VKORC1L1: variants seen among roughly 807,000 people sequenced by gnomAD.
VKORC1L1 encodes the protein vitamin K epoxide reductase complex subunit 1-like protein 1.
A neutral mutation model predicts 18.9 loss-of-function variants in VKORC1L1; 2 were observed. That is an observed-to-expected ratio of 0.11 (90% CI 0.04 to 0.33). The LOEUF is 0.33. Among genes scored for constraint, VKORC1L1 ranks in the 10% least tolerant of loss-of-function variants. VKORC1L1 has a pLI of 1.00. For missense variants in VKORC1L1, 123 were observed against 224.1 expected (o/e 0.55, Z 2.88); for synonymous variants, 96 against 100.0 (o/e 0.96, Z 0.24).
intron 1 of VKORC1L1, among the ~76,000 whole-genome samples, chr7:65,892,558 T>A (rs1345801577): frequency 6.6e-6 from 1 of 152,176 alleles, no homozygotes; most frequent in African/African-American, 2.4e-5. Context: ...CCTTTGTAAT[T>A]GGGGGTTTTT....
rs1790165281 is a variant in VKORC1L1, at chr7:65,948,909, G to A, written c.304+129G>A. The A allele has an allele frequency of 7.6e-5, 92 of 1,213,682 alleles. 2 individuals are homozygous for A. The South Asian group carries it at 1.4e-3, about 18-fold the overall frequency. The allele number at this position is 1,213,682 out of a possible 1,614,324, so 75.2% of individuals were successfully genotyped here. A position where few individuals can be genotyped will look rare whatever the true frequency, so the allele number is the denominator to read the frequency against. On this transcript the variant is annotated intron_variant, in intron 2 of 2. Coordinates refer to ENST00000360768, the MANE Select transcript of VKORC1L1 (RefSeq NM_173517.6). ...CCACTAGCGTGTACAACATTTTTGT[G>A]TTATGAAAACTTGATTCACTGAGAT... is the stretch of plus-strand genomic sequence containing the variant.
At chr7:65,896,572 T>TTCCC (rs71051317) in intron 1 of VKORC1L1, among the ~76,000 whole-genome samples, 14,470 of 140,524 alleles carry the variant, frequency 0.1, 856 homozygotes, top group Middle Eastern at 0.18. Context: ...CCTTCCTTCT[T>TTCCC]TCCCTCCCTC....
At chr7:65,926,556 A>G (rs933520142) in intron 1 of VKORC1L1, among the ~76,000 whole-genome samples, 3 of 152,228 alleles carry the variant, frequency 2.0e-5, no homozygotes, top group South Asian at 2.1e-4. Context: ...TTAAAGAACT[A>G]AAAGTAGAAC....
At chr7:65,866,113 CA>C in the VKORC1L1 span, among the ~76,000 whole-genome samples, 3 of 149,642 alleles carry the variant, frequency 2.0e-5, no homozygotes, top group East Asian at 2.0e-4. Flanking sequence ...GACTCCGTCT[CA>C]AAAAAAAAAT....
intron 1 of VKORC1L1, among the ~76,000 whole-genome samples, chr7:65,940,776 GAA>G (rs1338412538): frequency 6.6e-6 from 1 of 152,192 alleles, no homozygotes; most frequent in Non-Finnish European, 1.5e-5. Context: ...ATAACTCCAT[GAA>G]AAGCAATTTG....
At chr7:65,935,479 T>G (rs1031944267) in intron 1 of VKORC1L1, among the ~76,000 whole-genome samples, 1 of 152,148 alleles carries the variant, frequency 6.6e-6, no homozygotes, top group South Asian at 2.1e-4. Flanking sequence ...TCATCTAATT[T>G]TTGTATTTTT....
intron 2 of VKORC1L1, among the ~76,000 whole-genome samples, chr7:65,951,603 T>C (rs768375759): frequency 2.0e-5 from 3 of 151,672 alleles, no homozygotes; most frequent in South Asian, 2.1e-4. Context: ...TATATACATA[T>C]ATAAAATGTT....
chr7:65,908,184 G>A (rs539980417), intron 1 of VKORC1L1, among the ~76,000 whole-genome samples: 2 of 151,818 alleles, frequency 1.3e-5, no homozygotes, highest in East Asian at 2.0e-4. Flanking sequence ...AGGCCGAGGC[G>A]GGCAGATCAC....
chr7:65,941,031 G>A (rs1330175260), intron 1 of VKORC1L1, among the ~76,000 whole-genome samples: 2 of 152,164 alleles, frequency 1.3e-5, no homozygotes, highest in Non-Finnish European at 2.9e-5. Flanking sequence ...GATAAAAGTT[G>A]GGATAGTTAG....
At chr7:65,915,810 A>G (rs185975318) in intron 1 of VKORC1L1, among the ~76,000 whole-genome samples, 81 of 152,154 alleles carry the variant, frequency 5.3e-4, no homozygotes, top group Non-Finnish European at 1.3e-4. Context: ...GTTAGCTGCA[A>G]TACTTGTATA....
intron 1 of VKORC1L1, among the ~76,000 whole-genome samples, chr7:65,876,624 G>A (rs1206153044): frequency 6.6e-6 from 1 of 152,028 alleles, no homozygotes; most frequent in African/African-American, 2.4e-5. Context: ...AGCAGTCCCT[G>A]CCCCCTTGGT....
chr7:65,875,467 G>A (rs990557519), intron 1 of VKORC1L1, among the ~76,000 whole-genome samples: 6 of 151,966 alleles, frequency 3.9e-5, no homozygotes, highest in Non-Finnish European at 8.8e-5. Flanking sequence ...ACACAGGCTG[G>A]AGTGCAGTGG....
chr7:65,922,589 A>G (rs1789695398), intron 1 of VKORC1L1, among the ~76,000 whole-genome samples: 1 of 150,978 alleles, frequency 6.6e-6, no homozygotes, highest in Non-Finnish European at 1.5e-5. Flanking sequence ...TGGCCAGATC[A>G]TGTTTCTTTT....
rs1790257346 is a variant in VKORC1L1, at chr7:65,954,247, C to T, written c.478C>T (p.Leu160=). The T allele has an allele frequency of 6.2e-7, 1 of 1,614,154 alleles. No individual in the cohort carries two copies. The highest frequency in any genetic ancestry group is 1.3e-5 in the African/African-American group (1 of 75,038). The change falls in exon 3 of 3, where the codon CTA becomes TTA. Residue 160 remains leucine, a synonymous_variant. Coordinates refer to ENST00000360768, the MANE Select transcript of VKORC1L1 (RefSeq NM_173517.6). ...TCTTCTCATTATCAACTACAAACGA[C>T]TAGTTTACTTGAACGAGGCCTGGAA... is the stretch of plus-strand genomic sequence containing the variant. ...FLLLIINYKR[L]VYLNEAWKRQ...
rs551679929 is a variant in VKORC1L1 at position 65,944,210 on chromosome 7, TA to T, written c.195-4453del. Among the ~76,000 whole-genome samples the T allele has an allele frequency of 2.8e-3, 431 of 151,424 alleles. 3 individuals carry two copies. Among genetic ancestry groups the T allele is most frequent in the Admixed American group, 5.5e-3 (83 of 15,178 alleles). ...GATGAAACCCTGGCTCTACCAAAAA[TA>T]AAAAAAATTAGCCCTGCGTGGTGGT... On this transcript the variant is annotated intron_variant, in intron 1 of 2. Transcript: ENST00000360768.
At chr7:65,950,696 C>T (rs535855539) in intron 2 of VKORC1L1, among the ~76,000 whole-genome samples, 3 of 152,102 alleles carry the variant, frequency 2.0e-5, no homozygotes, top group Non-Finnish European at 4.4e-5. Flanking sequence ...CTATGAAATA[C>T]TATGTAGCCA....
chr7:65,934,865 C>T (rs1183684844), intron 1 of VKORC1L1, among the ~76,000 whole-genome samples: 2 of 151,916 alleles, frequency 1.3e-5, no homozygotes, highest in East Asian at 3.9e-4. Flanking sequence ...CCAGCCTTGC[C>T]AACATAGTGA....
chr7:65,942,689 A>G (rs1404146115), intron 1 of VKORC1L1, among the ~76,000 whole-genome samples: 2 of 151,710 alleles, frequency 1.3e-5, no homozygotes, highest in Non-Finnish European at 2.9e-5. Context: ...GCACATCTGC[A>G]TAATTTTTGT....
intron 2 of VKORC1L1, among the ~76,000 whole-genome samples, chr7:65,952,334 A>G (rs943227627): frequency 5.9e-5 from 9 of 152,250 alleles, no homozygotes; most frequent in African/African-American, 1.9e-4. Flanking sequence ...ACATTACGTA[A>G]TGAATGACAT....
Sources: allele counts gnomAD v4.1 joint callset (sites outside exome capture counted in the v4.1 genomes callset), GRCh38; gene constraint gnomAD v4.1.1; transcripts MANE v1.5; gene names NCBI Gene and HGNC (gene_info 2026-07-23, HGNC 2026-07-21).